The following DSE variants were observed in gnomAD, a reference collection of about 807,000 sequenced individuals.
The protein encoded by DSE is dermatan sulfate epimerase, also known as dermatan-sulfate epimerase.
Under a neutral mutation model 84.4 loss-of-function variants are expected in DSE, and 36 were observed. The observed-to-expected ratio is 0.43, with a 90% CI of 0.33 to 0.56. The LOEUF (loss-of-function observed/expected upper bound fraction) is 0.56. DSE is among the 20% of genes least tolerant of loss of function. The probability of loss-of-function intolerance (pLI) is 0.06; values close to 1 mark genes in which losing one functional copy is unlikely to be tolerated. For synonymous variants in DSE, 410 were observed against 430.1 expected, an observed-to-expected ratio of 0.95 and a Z score of 0.58; for missense variants, 862 against 1,169.6, an observed-to-expected ratio of 0.74 and a Z score of 3.84.
At chr6:116,352,999 G>T (rs1562248825) in intron 2 of DSE, among the ~76,000 whole-genome samples, 1 of 152,122 alleles carries the variant, frequency 6.6e-6, no homozygotes, top group Non-Finnish European at 1.5e-5. Flanking sequence ...GTCCATCAGG[G>T]ACTTATAACA....
At chr6:116,413,212 G>A (rs1473559606) in intron 2 of DSE, among the ~76,000 whole-genome samples, 2 of 152,070 alleles carry the variant, frequency 1.3e-5, no homozygotes, top group Admixed American at 6.6e-5. Flanking sequence ...ATAAATAAAT[G>A]TTTCATGAGA....
chr6:116,344,135 G>A (rs920913509), intron 2 of DSE, among the ~76,000 whole-genome samples: 3 of 152,156 alleles, frequency 2.0e-5, no homozygotes, highest in African/African-American at 7.2e-5. Flanking sequence ...GGGACTATGT[G>A]GAAAGACCAA....
intron 1 of DSE, chr6:116,375,585 T>G: frequency 1.0e-6 from 1 of 981,524 alleles, no homozygotes; most frequent in Non-Finnish European, 1.2e-6. Context: ...CTTCTAGTTA[T>G]GTATAGAAGA....
At chr6:116,332,563 T>TTAGGATA (rs1777015762) in intron 2 of DSE, among the ~76,000 whole-genome samples, 1 of 152,126 alleles carries the variant, frequency 6.6e-6, no homozygotes, top group Non-Finnish European at 1.5e-5. Context: ...GATAGTACAG[T>TTAGGATA]ATTGGGGTAA....
chr6:116,292,211 C>T (rs756767193), intron 2 of DSE, among the ~76,000 whole-genome samples: 4 of 151,872 alleles, frequency 2.6e-5, no homozygotes, highest in African/African-American at 4.8e-5. Flanking sequence ...GGAACACTGA[C>T]GTGAAAGAAA....
At chr6:116,331,889 G>A (rs193223645) in intron 2 of DSE, among the ~76,000 whole-genome samples, 271 of 152,248 alleles carry the variant, frequency 1.8e-3, no homozygotes, top group African/African-American at 6.2e-3. Context: ...CCCGAGAGGC[G>A]GAGGTTGCAG....
At chr6:116,394,090 G>A (rs989978762) in intron 1 of DSE, among the ~76,000 whole-genome samples, 1 of 152,174 alleles carries the variant, frequency 6.6e-6, no homozygotes, top group Non-Finnish European at 1.5e-5. Flanking sequence ...TTTAGGAGGT[G>A]CAAGTTCTAG....
intron 2 of DSE, among the ~76,000 whole-genome samples, chr6:116,415,086 ATACATCCTAATT>A (rs1007585123): frequency 2.6e-5 from 4 of 152,180 alleles, no homozygotes; most frequent in African/African-American, 9.7e-5. Flanking sequence ...TCTTTTTGAT[ATACATCCTAATT>A]TAGGTGGAGA....
At chr6:116,331,066 A>T (rs1776905075) in intron 2 of DSE, among the ~76,000 whole-genome samples, 1 of 152,236 alleles carries the variant, frequency 6.6e-6, no homozygotes, top group African/African-American at 2.4e-5. Flanking sequence ...GGTTAAAGTA[A>T]GCATCTATTT....
In DSE at chr6:116,299,978, T is replaced by C. The variant is rs1774935826; in HGVS notation, c.-54+41011T>C. ...TGGAAATATAGTTGTGGAATTTTAA[T>C]AAACTGTTGGTCTGCCAATTATTTG... On this transcript the variant is annotated intron_variant, in intron 2 of 3. Transcript: ENST00000430252. 2.0e-5 allele frequency among the ~76,000 whole-genome samples: 3 copies of C among 152,220 alleles called. No individual in the cohort carries two copies. The South Asian group carries it at 6.2e-4, about 32-fold the overall frequency.
chr6:116,347,999 A>G (rs1402472867), intron 2 of DSE, among the ~76,000 whole-genome samples: 1 of 152,260 alleles, frequency 6.6e-6, no homozygotes, highest in Non-Finnish European at 1.5e-5. Context: ...GTGAACAGAC[A>G]CTTCTCAAAA....
Position 116,342,864 on chromosome 6 carries a change from G to A in DSE, c.-53-56334G>A, listed in dbSNP as rs555084981. 3.3e-5 allele frequency among the ~76,000 whole-genome samples: 5 copies of A among 152,244 alleles called. No individual in the cohort carries two copies. The East Asian group carries it at 9.7e-4, about 29-fold the overall frequency. On this transcript the variant is annotated intron_variant, in intron 2 of 3. Transcript: ENST00000430252. ...GGCGGGGCATCGCCTTACCTGGGAAGCGCAAGGGGTCAGGGAATTCCCTTT... is the reference window on the plus strand; with the variant it reads ...GGCGGGGCATCGCCTTACCTGGGAAACGCAAGGGGTCAGGGAATTCCCTTT...
chr6:116,301,420 C>T (rs371108930), intron 2 of DSE, among the ~76,000 whole-genome samples: 1 of 152,252 alleles, frequency 6.6e-6, no homozygotes, highest in East Asian at 1.9e-4. Context: ...GAGTCATGCT[C>T]CTTGGGTATC....
chr6:116,261,477 G>T (rs1772412018), intron 2 of DSE, among the ~76,000 whole-genome samples: 1 of 152,148 alleles, frequency 6.6e-6, no homozygotes, highest in Admixed American at 6.6e-5. Flanking sequence ...TGTATCCTGA[G>T]ACTTTGCTGA....
At chr6:116,293,691 C>T (rs1774450397) in intron 2 of DSE, among the ~76,000 whole-genome samples, 3 of 152,044 alleles carry the variant, frequency 2.0e-5, no homozygotes. Flanking sequence ...TGCTTGAGCT[C>T]AGGAGTTCAA....
At chr6:116,278,453 C>T in intron 2 of DSE, 4 of 1,608,976 alleles carry the variant, frequency 2.5e-6, no homozygotes, top group East Asian at 2.2e-5. Flanking sequence ...TTGCTGATGC[C>T]CAAGCACAGG....
chr6:116,423,707 T>A (rs905879464), intron 2 of DSE, among the ~76,000 whole-genome samples: 7 of 152,222 alleles, frequency 4.6e-5, no homozygotes, highest in Non-Finnish European at 8.8e-5. Context: ...AAGAGCAAAT[T>A]TCCATTGGTT....
intron 2 of DSE, among the ~76,000 whole-genome samples, chr6:116,408,491 A>C (rs559034075): frequency 6.6e-6 from 1 of 152,208 alleles, no homozygotes; most frequent in Non-Finnish European, 1.5e-5. Context: ...ATTTTTATTG[A>C]GAGTCTAAGC....
chr6:116,291,137 G>T (rs564638636), intron 2 of DSE, among the ~76,000 whole-genome samples: 3 of 152,108 alleles, frequency 2.0e-5, no homozygotes, highest in Non-Finnish European at 4.4e-5. Flanking sequence ...GTTCATTAGG[G>T]ACCACAGTGT....
Sources: allele counts gnomAD v4.1 joint callset (sites outside exome capture counted in the v4.1 genomes callset), GRCh38; gene constraint gnomAD v4.1.1; transcripts MANE v1.5; gene names NCBI Gene and HGNC (gene_info 2026-07-23, HGNC 2026-07-21).